Variants in NGLY1 observed in about 807,000 individuals in gnomAD.
NGLY1 encodes the protein peptide-N(4)-(N-acetyl-beta-glucosaminyl)asparagine amidase.
A neutral mutation model predicts 84.6 loss-of-function variants in NGLY1; 68 were observed. That is an observed-to-expected ratio of 0.80 (90% CI 0.66 to 0.98). NGLY1 has a LOEUF of 0.98. NGLY1 is among the 50% of genes least tolerant of loss of function. NGLY1 has a pLI of 0.00. For missense variants in NGLY1, 779 were observed against 770.2 expected (o/e 1.01, Z -0.14); for synonymous variants, 280 against 275.2 (o/e 1.02, Z -0.17).
chr3:25,736,701 C>T (rs1306703118), intron 6 of NGLY1: 1 of 242,088 alleles, frequency 4.1e-6, no homozygotes, highest in Admixed American at 5.1e-5. Context: ...ACAAATATCA[C>T]ATGACTTTTA....
chr3:25,773,837 T>C (rs553063788), intron 2 of NGLY1, among the ~76,000 whole-genome samples: 37 of 152,336 alleles, frequency 2.4e-4, no homozygotes, highest in African/African-American at 8.7e-4. Context: ...CTTCCCTTCC[T>C]CTAGGAATGG....
At chr3:25,765,809 T>C (rs559624167) in intron 2 of NGLY1, among the ~76,000 whole-genome samples, 41 of 152,256 alleles carry the variant, frequency 2.7e-4, no homozygotes, top group Middle Eastern at 6.8e-3. Context: ...TGATCAAAGC[T>C]ATAACCTCAA....
chr3:25,743,086 C>A (rs1706235935), intron 4 of NGLY1, among the ~76,000 whole-genome samples: 1 of 151,918 alleles, frequency 6.6e-6, no homozygotes, highest in Non-Finnish European at 1.5e-5. Context: ...GGCCTTAAGA[C>A]CAGACTGTTG....
intron 1 of NGLY1, 143 bp from the exon 2 acceptor site, chr3:25,778,831 C>A: frequency 5.5e-6 from 2 of 361,554 alleles, no homozygotes. Flanking sequence ...GTTGTTTTTA[C>A]TATAAGTAAA....
At chr3:25,789,224 A>G (rs1038224520) in intron 1 of NGLY1, among the ~76,000 whole-genome samples, 14 of 152,160 alleles carry the variant, frequency 9.2e-5, no homozygotes, top group Non-Finnish European at 1.9e-4. Flanking sequence ...TTTCACACTT[A>G]GAAACAAATG....
intron 10 of NGLY1, among the ~76,000 whole-genome samples, chr3:25,723,252 T>G (rs1705095232): frequency 6.6e-6 from 1 of 152,198 alleles, no homozygotes; most frequent in Non-Finnish European, 1.5e-5. Flanking sequence ...ATTAAAGCCT[T>G]AAAATTTTCA....
intron 3 of NGLY1, among the ~76,000 whole-genome samples, chr3:25,762,816 T>C (rs1282968110): frequency 6.6e-6 from 1 of 152,040 alleles, no homozygotes; most frequent in African/African-American, 2.4e-5. Context: ...TAGCCAAGTG[T>C]GGTGGCAGGT....
intron 2 of NGLY1, among the ~76,000 whole-genome samples, chr3:25,764,716 A>G (rs965620813): frequency 3.9e-5 from 6 of 152,238 alleles, no homozygotes; most frequent in Non-Finnish European, 5.9e-5. Flanking sequence ...TAATGACAGT[A>G]GAGATACAGC....
At chr3:25,752,297 G>A (rs1012863032) in intron 3 of NGLY1, among the ~76,000 whole-genome samples, 11 of 151,880 alleles carry the variant, frequency 7.2e-5, no homozygotes, top group African/African-American at 2.4e-4. Flanking sequence ...ATCCTGGCTC[G>A]CTGCAACCTC....
intron 10 of NGLY1, among the ~76,000 whole-genome samples, chr3:25,725,844 T>G (rs966039843): frequency 4.6e-5 from 7 of 152,212 alleles, no homozygotes; most frequent in Non-Finnish European, 1.0e-4. Flanking sequence ...GGCTCTTGTT[T>G]CTGTCTTCTT....
chr3:25,788,385 G>C (rs533220124), upstream of NGLY1, among the ~76,000 whole-genome samples: 1 of 152,300 alleles, frequency 6.6e-6, no homozygotes, highest in African/African-American at 2.4e-5. Context: ...AGGATAAGCA[G>C]AGCCCATTTG....
chr3:25,726,722 A>C (rs1414551962), intron 10 of NGLY1, among the ~76,000 whole-genome samples: 1 of 152,132 alleles, frequency 6.6e-6, no homozygotes, highest in Non-Finnish European at 1.5e-5. Flanking sequence ...GTTTTTGTAA[A>C]TGTTTCTTTA....
Position 25,720,187 on chromosome 3 carries a change from T to C in NGLY1, c.1616A>G (p.Tyr539Cys). The C allele has an allele frequency of 1.2e-6, 2 of 1,613,006 alleles. No homozygotes were observed. Among genetic ancestry groups the C allele is most frequent in the African/African-American group, 1.3e-5 (1 of 74,958 alleles). Reference protein sequence around the residue: ...RKVETDWHMVYLARKEGSSFA... With the variant: ...RKVETDWHMVCLARKEGSSFA... ...AGATGATCCTTCCTTTCGGGCCAAA[T>C]ATACCTATAAGGAGTAGGGATGGGG... Residue 539 changes from tyrosine to cysteine, a missense_variant, in exon 11 of 12, where the codon TAT becomes TGT. By Grantham distance (194) the Tyr-to-Cys change is radical (BLOSUM62 -2). Transcript: ENST00000280700.
chr3:25,751,347 A>AT (rs1218441429), intron 3 of NGLY1, 84 bp from the exon 4 acceptor site: 2 of 1,145,966 alleles, frequency 1.7e-6, no homozygotes, highest in Admixed American at 3.3e-5. Flanking sequence ...TGGTTTTATG[A>AT]TTTTACAGAT....
At chr3:25,764,350 T>A in intron 2 of NGLY1, 39 bp from the exon 3 acceptor site, 1 of 1,589,350 alleles carries the variant, frequency 6.3e-7, no homozygotes, top group Non-Finnish European at 8.6e-7. Flanking sequence ...GAACCTTTGC[T>A]TTATGCAGTC....
At chr3:25,721,380 CTT>C (rs1300059529) in intron 10 of NGLY1, among the ~76,000 whole-genome samples, 1 of 152,138 alleles carries the variant, frequency 6.6e-6, no homozygotes, top group Non-Finnish European at 1.5e-5. Context: ...ATCCCACTCT[CTT>C]TATGTTATCT....
rs1197279636 is a variant in NGLY1, at chr3:25,783,372, C to A, written c.19G>T (p.Gly7Cys). 1 of 1,546,762 alleles carries A rather than the reference C, an allele frequency of 6.5e-7. No individual in the cohort carries two copies. The change falls in exon 1 of 12, where the codon GGC becomes TGC. Residue 7 changes from glycine to cysteine, a missense_variant. Transcript: ENST00000280700. This position sits in a 1 kb window ranked among gnomAD's most constrained non-coding sequence, Gnocchi z 4.5. ...GGGGACGCCGAGCCTGAGGAGCTGC[C>A]CAATGCCGCCGCCGCCATGCTTGAG... MAAAAL[G>C]SSSGSASPAV...
intron 3 of NGLY1, among the ~76,000 whole-genome samples, chr3:25,753,213 T>C (rs116626175): frequency 6.6e-6 from 1 of 152,174 alleles, no homozygotes; most frequent in East Asian, 1.9e-4. Context: ...GAAAAAATTA[T>C]TTGATGTCAG....
intron 3 of NGLY1, chr3:25,755,017 C>A: frequency 1.0e-6 from 1 of 954,178 alleles, no homozygotes; most frequent in Non-Finnish European, 1.7e-6. Flanking sequence ...TCACAGACTA[C>A]AAACCAAAGG....
Sources: gnomAD v4.1 joint callset for allele counts (sites outside exome capture counted in the v4.1 genomes callset) on GRCh38, gnomAD v4.1.1 for gene constraint, Gnocchi (gnomAD v3.1) non-coding constraint, MANE v1.5 for transcripts, NCBI Gene and HGNC (gene_info 2026-07-23, HGNC 2026-07-21) for gene names.